LARS2: variants seen among roughly 807,000 people sequenced by gnomAD.
LARS2 encodes the protein leucine--tRNA ligase, mitochondrial.
LARS2 carries 81 observed loss-of-function variants against 116.6 expected under a neutral mutation model. The ratio of observed to expected loss-of-function variants is 0.69; its 90% CI spans 0.58 to 0.84. The LOEUF is 0.84. LARS2 is among the 40% of genes least tolerant of loss of function. The probability of loss-of-function intolerance (pLI) is 0.00; values close to 1 mark genes in which losing one functional copy is unlikely to be tolerated. For synonymous variants in LARS2, 396 were observed against 407.2 expected (o/e 0.97, Z 0.33); for missense variants, 968 against 1,114.5 (o/e 0.87, Z 1.87).
chr3:45,511,095 A>G (rs544227460), intron 15 of LARS2, among the ~76,000 whole-genome samples: 1 of 152,272 alleles, frequency 6.6e-6, no homozygotes, highest in African/African-American at 2.4e-5. Flanking sequence ...GGCACTGGGG[A>G]TAGTTGGCTA....
intron 13 of LARS2, 145 bp downstream of exon 13, chr3:45,491,945 G>T: frequency 1.3e-6 from 1 of 772,906 alleles, no homozygotes; most frequent in East Asian, 2.7e-5. Context: ...GTGGGTCTTT[G>T]GGGCCCTTTA....
chr3:45,398,989 C>T (rs1211471558), intron 3 of LARS2, among the ~76,000 whole-genome samples: 1 of 152,122 alleles, frequency 6.6e-6, no homozygotes, highest in African/African-American at 2.4e-5. Context: ...ATTAAGATGC[C>T]AGAAGTCAGT....
chr3:45,472,094 AC>A (rs1295081355), intron 8 of LARS2, among the ~76,000 whole-genome samples: 1 of 152,226 alleles, frequency 6.6e-6, no homozygotes, highest in Non-Finnish European at 1.5e-5. Flanking sequence ...CAGGTTACTC[AC>A]AGTTGAATGA....
At chr3:45,495,321 G>C (rs528288809) in intron 13 of LARS2, 5 of 152,282 alleles carry the variant, frequency 3.3e-5, no homozygotes, top group African/African-American at 1.2e-4. Context: ...GCCAATTTCC[G>C]TGATGTACAT....
intron 6 of LARS2, chr3:45,422,431 A>C (rs1698530017): frequency 6.6e-6 from 1 of 152,188 alleles, no homozygotes; most frequent in Non-Finnish European, 1.5e-5. Flanking sequence ...TTGAGATAGG[A>C]TAAATAACAT....
intron 10 of LARS2, among the ~76,000 whole-genome samples, chr3:45,484,616 A>AT (rs1381915093): frequency 3.7e-4 from 5 of 13,614 alleles, no homozygotes; most frequent in East Asian, 4.8e-3. Flanking sequence ...AAAAAAAAAA[A>AT]AAAAAAAAAA....
intron 6 of LARS2, among the ~76,000 whole-genome samples, chr3:45,429,063 C>T (rs72882200): frequency 0.01 from 1,412 of 141,138 alleles, 20 homozygotes; most frequent in African/African-American, 0.033. Flanking sequence ...TGGGAATTTC[C>T]CACTTGCCCC....
At chr3:45,448,882 G>A (rs1189575810) in intron 7 of LARS2, among the ~76,000 whole-genome samples, 2 of 152,364 alleles carry the variant, frequency 1.3e-5, no homozygotes, top group East Asian at 3.9e-4. Flanking sequence ...ATGTCACAGT[G>A]TTGCAGAGAT....
chr3:45,443,035 C>T (rs963485638), intron 6 of LARS2, among the ~76,000 whole-genome samples: 1 of 152,190 alleles, frequency 6.6e-6, no homozygotes, highest in African/African-American at 2.4e-5. Context: ...CAGTAGCACA[C>T]ATACAGCATA....
chr3:45,507,125 G>A (rs1392550130), intron 15 of LARS2: 1 of 151,882 alleles, frequency 6.6e-6, no homozygotes, highest in South Asian at 2.1e-4. Context: ...GTCCCAGCAC[G>A]ATGGCTCACA....
rs1223081345 is a variant in LARS2 at position 45,484,618 on chromosome 3, A to AT, written c.1019-1074_1019-1073insT. ...CCTGTCTCTACAAAAAAAAAAAAAA[A>AT]AAAAAAAAAAAAATATATATATATA... On this transcript the variant is annotated intron_variant, in intron 10 of 21. Coordinates refer to ENST00000645846, the MANE Select transcript of LARS2 (RefSeq NM_015340.4). Among the ~76,000 whole-genome samples the AT allele has an allele frequency of 7.9e-4, 11 of 13,886 alleles. 1 individual carries two copies. The highest frequency in any genetic ancestry group is 8.9e-4 in the African/African-American group (8 of 8,940). 9.1% of individuals were successfully genotyped at this position (13,886 alleles called of 152,430 possible).
chr3:45,470,743 C>T (rs1414076588), intron 8 of LARS2, among the ~76,000 whole-genome samples: 2 of 152,032 alleles, frequency 1.3e-5, no homozygotes, highest in Non-Finnish European at 2.9e-5. Flanking sequence ...TTAATGATTT[C>T]CAAAGTGTTT....
intron 7 of LARS2, among the ~76,000 whole-genome samples, chr3:45,451,883 A>G (rs556784533): frequency 2.0e-5 from 3 of 152,148 alleles, no homozygotes; most frequent in Non-Finnish European, 2.9e-5. Flanking sequence ...ACTATCATCA[A>G]TGTTTTATAG....
In LARS2 at chr3:45,484,784, G is replaced by A. The variant is rs556229071; in HGVS notation, c.1019-908G>A. The stretch of plus-strand genomic sequence containing the variant: ...GGCCACATAAATATTGTTCAACTGA[G>A]CCAAATACATTTTCCTTTTTATATA... On this transcript the variant is annotated intron_variant, in intron 10 of 21. Transcript: ENST00000645846. Among the ~76,000 whole-genome samples, 3 of 150,102 alleles carry A rather than the reference G, an allele frequency of 2.0e-5. No homozygotes were observed. In the South Asian group the frequency reaches 6.4e-4, roughly 32 times the overall value.
At chr3:45,534,638 C>T (rs750281484) in intron 20 of LARS2, among the ~76,000 whole-genome samples, 25 of 152,248 alleles carry the variant, frequency 1.6e-4, no homozygotes, top group Non-Finnish European at 2.1e-4. Flanking sequence ...AAGTTCTCCC[C>T]AAAGAGCAAC....
chr3:45,500,763 G>C (rs1700104606), intron 15 of LARS2, among the ~76,000 whole-genome samples, 184 bp downstream of exon 15: 1 of 152,214 alleles, frequency 6.6e-6, no homozygotes, highest in South Asian at 2.1e-4. Context: ...TCTGGCATGT[G>C]ATGTTGCATG....
chr3:45,467,376 C>T (rs1314244096), intron 8 of LARS2, among the ~76,000 whole-genome samples: 1 of 152,156 alleles, frequency 6.6e-6, no homozygotes, highest in African/African-American at 2.4e-5. Flanking sequence ...CTTACTGCTA[C>T]CAGATGGCTA....
chr3:45,444,390 G>A (rs1343188322), intron 6 of LARS2, among the ~76,000 whole-genome samples: 5 of 148,212 alleles, frequency 3.4e-5, no homozygotes, highest in Non-Finnish European at 7.5e-5. Context: ...TCGGCCAGGC[G>A]CGGTGGCTCA....
chr3:45,485,654 G>A (rs1009274485), intron 10 of LARS2, 38 bp from the exon 11 acceptor site: 2 of 1,214,638 alleles, frequency 1.6e-6, no homozygotes, highest in African/African-American at 2.9e-5. Context: ...TGGTGTCTCA[G>A]TTGAGTGGCA....
Sources: allele counts gnomAD v4.1 joint callset (sites outside exome capture counted in the v4.1 genomes callset), GRCh38; gene constraint gnomAD v4.1.1; transcripts MANE v1.5; gene names NCBI Gene and HGNC (gene_info 2026-07-23, HGNC 2026-07-21).